Variants in HPSE2 observed in about 807,000 individuals in gnomAD.
HPSE2 encodes the protein heparanase 2 (inactive).
HPSE2 carries 38 observed loss-of-function variants against 60.5 expected under a neutral mutation model. That is an observed-to-expected ratio of 0.63 (90% CI 0.48 to 0.82). The LOEUF is 0.82. Among genes scored for constraint, HPSE2 ranks in the 40% least tolerant of loss-of-function variants. The probability of loss-of-function intolerance (pLI) is 0.00; values close to 1 mark genes in which losing one functional copy is unlikely to be tolerated. For missense variants in HPSE2, 713 were observed against 740.4 expected (o/e 0.96, Z 0.43); for synonymous variants, 295 against 293.2 (o/e 1.01, Z -0.06).
the HPSE2 span, among the ~76,000 whole-genome samples, chr10:99,274,099 A>T: frequency 3.3e-5 from 5 of 152,170 alleles, no homozygotes; most frequent in African/African-American, 1.2e-4. Context: ...TAATCCCAGC[A>T]CTTTGGGAGG....
At chr10:99,307,865 C>G in the HPSE2 span, among the ~76,000 whole-genome samples, 1 of 151,530 alleles carries the variant, frequency 6.6e-6, no homozygotes, top group Non-Finnish European at 1.5e-5. Context: ...CACACACACA[C>G]ACAAATGGCT....
the HPSE2 span, among the ~76,000 whole-genome samples, chr10:99,245,365 A>G: frequency 9.9e-5 from 15 of 152,194 alleles, no homozygotes; most frequent in African/African-American, 3.4e-4. Context: ...ACATTATTTA[A>G]TCTATTTGAT....
At chr10:99,021,470 C>T (rs1291419528) in intron 3 of HPSE2, among the ~76,000 whole-genome samples, 1 of 152,056 alleles carries the variant, frequency 6.6e-6, no homozygotes, top group Non-Finnish European at 1.5e-5. Context: ...TGTTCCTGGT[C>T]ACCATATTTA....
chr10:99,189,801 T>C (rs1848156716), intron 2 of HPSE2, among the ~76,000 whole-genome samples: 1 of 152,192 alleles, frequency 6.6e-6, no homozygotes, highest in South Asian at 2.1e-4. Flanking sequence ...CTCTTATGCG[T>C]CCATTTTGAG....
At chr10:99,030,081 C>T (rs889389782) in intron 3 of HPSE2, among the ~76,000 whole-genome samples, 3 of 152,196 alleles carry the variant, frequency 2.0e-5, no homozygotes, top group Admixed American at 6.5e-5. Context: ...ATCCCCTCAG[C>T]TCCTATCTCT....
At chr10:99,039,523 GTATATTATATATTA>G (rs1191036831) in intron 3 of HPSE2, among the ~76,000 whole-genome samples, 1 of 149,592 alleles carries the variant, frequency 6.7e-6, no homozygotes, top group Non-Finnish European at 1.5e-5. Context: ...ATATATGTGT[GTATATTATATATTA>G]TATATAACAT....
chr10:99,128,363 A>G (rs1161993983), intron 3 of HPSE2, among the ~76,000 whole-genome samples: 2 of 152,224 alleles, frequency 1.3e-5, no homozygotes, highest in Non-Finnish European at 1.5e-5. Context: ...ATTATATTAC[A>G]AAGATATATG....
intron 3 of HPSE2, among the ~76,000 whole-genome samples, chr10:99,111,122 A>AT (rs1219349043): frequency 6.6e-6 from 1 of 152,056 alleles, no homozygotes; most frequent in African/African-American, 2.4e-5. Flanking sequence ...TCAGTTTACT[A>AT]TATATATGGG....
At chr10:98,837,542 AC>A (rs1195493083) in intron 3 of HPSE2, among the ~76,000 whole-genome samples, 1 of 152,194 alleles carries the variant, frequency 6.6e-6, no homozygotes, top group Admixed American at 6.5e-5. Context: ...GATTGTGGTT[AC>A]CTCAGGAGAG....
rs538869805 is a variant in HPSE2, at chr10:98,781,136, T to A, written c.611-37080A>T. Among the ~76,000 whole-genome samples the A allele has an allele frequency of 2.9e-3, 443 of 152,248 alleles. 6 individuals carry two copies. In the South Asian group the frequency reaches 0.029, roughly 10 times the overall value. On this transcript the variant is annotated intron_variant, in intron 3 of 11. Coordinates refer to ENST00000370552, the MANE Select transcript of HPSE2 (RefSeq NM_021828.5). The stretch of plus-strand genomic sequence containing the variant: ...TATCAGACTTATTCTGAACAAAAGC[T>A]AAACTTTTGTTGGGCTAAACCACTA...
At chr10:99,026,636 A>G (rs756439286) in intron 3 of HPSE2, among the ~76,000 whole-genome samples, 1 of 144,624 alleles carries the variant, frequency 6.9e-6, no homozygotes, top group African/African-American at 2.7e-5. Context: ...TGAGATATTT[A>G]CAGAACATTT....
intron 3 of HPSE2, among the ~76,000 whole-genome samples, chr10:98,842,471 A>C (rs1182077496): frequency 6.7e-6 from 1 of 149,636 alleles, no homozygotes; most frequent in Non-Finnish European, 1.5e-5. Context: ...AGTTGAATTC[A>C]TTGAGCTTTA....
chr10:99,109,678 A>G (rs559685341), intron 3 of HPSE2, among the ~76,000 whole-genome samples: 1 of 152,266 alleles, frequency 6.6e-6, no homozygotes, highest in South Asian at 2.1e-4. Context: ...TACAAAATCA[A>G]TGTGGGCCCT....
At chr10:98,966,770 C>A (rs540671272) in intron 3 of HPSE2, among the ~76,000 whole-genome samples, 1 of 152,256 alleles carries the variant, frequency 6.6e-6, no homozygotes, top group South Asian at 2.1e-4. Flanking sequence ...AAAATAGCTA[C>A]AAGAGAGAAC....
intron 3 of HPSE2, among the ~76,000 whole-genome samples, chr10:98,937,576 C>G: frequency 6.9e-6 from 1 of 144,122 alleles, no homozygotes; most frequent in Non-Finnish European, 1.5e-5. Context: ...GTAAACAAAG[C>G]AGCCTGGAAG....
intron 9 of HPSE2, among the ~76,000 whole-genome samples, chr10:98,614,527 C>T (rs1359876787): frequency 6.6e-6 from 1 of 152,076 alleles, no homozygotes; most frequent in Admixed American, 6.5e-5. Context: ...CTCCTGACCT[C>T]GTGATCCACC....
intron 4 of HPSE2, among the ~76,000 whole-genome samples, chr10:98,723,467 T>G (rs1948982745): frequency 6.6e-6 from 1 of 152,194 alleles, no homozygotes; most frequent in Admixed American, 6.5e-5. Context: ...ATCAGGATGA[T>G]GCTGGCCTCA....
intron 3 of HPSE2, among the ~76,000 whole-genome samples, chr10:98,825,028 CTG>C (rs1565190685): frequency 6.6e-6 from 1 of 152,164 alleles, no homozygotes; most frequent in Non-Finnish European, 1.5e-5. Context: ...AAAGAAAAAA[CTG>C]GATATGATCT....
chr10:99,023,214 T>G (rs1038083173), intron 3 of HPSE2, among the ~76,000 whole-genome samples: 3 of 152,110 alleles, frequency 2.0e-5, no homozygotes, highest in African/African-American at 7.2e-5. Flanking sequence ...TCTGGCAGTA[T>G]TCCTTGTGGC....
Sources: gnomAD v4.1 joint callset for allele counts (sites outside exome capture counted in the v4.1 genomes callset) on GRCh38, gnomAD v4.1.1 for gene constraint, MANE v1.5 for transcripts, NCBI Gene and HGNC (gene_info 2026-07-23, HGNC 2026-07-21) for gene names.